KIAA0825: variants seen among roughly 807,000 people sequenced by gnomAD.
KIAA0825 encodes the protein KIAA0825, also known as uncharacterized protein KIAA0825.
A neutral mutation model predicts 147.6 loss-of-function variants in KIAA0825; 119 were observed. That is an observed-to-expected ratio of 0.81 (90% CI 0.69 to 0.94). KIAA0825 has a LOEUF of 0.94. Among genes scored for constraint, KIAA0825 ranks in the 40% least tolerant of loss-of-function variants. The pLI is 0.00. For missense variants in KIAA0825, 1,381 were observed against 1,472.7 expected (o/e 0.94, Z 1.02); for synonymous variants, 470 against 518.1 (o/e 0.91, Z 1.26).
At chr5:94,537,596 CGCGATTGCGCCACTGCACTGCA>C (rs770188763) in intron 2 of KIAA0825, among the ~76,000 whole-genome samples, 1 of 148,408 alleles carries the variant, frequency 6.7e-6, no homozygotes, top group Non-Finnish European at 1.5e-5. Flanking sequence ...TGCAGTGAGC[CGCGATTGCGCCACTGCACTGCA>C]GCCTGGGCGA....
chr5:94,449,649 A>C (rs1043246916), intron 13 of KIAA0825, among the ~76,000 whole-genome samples: 2 of 152,220 alleles, frequency 1.3e-5, no homozygotes, highest in African/African-American at 2.4e-5. Flanking sequence ...ACAGCTGGAC[A>C]TATACCGTTG....
At chr5:94,300,514 T>C (rs1778348068) in intron 20 of KIAA0825, among the ~76,000 whole-genome samples, 1 of 152,104 alleles carries the variant, frequency 6.6e-6, no homozygotes, top group Non-Finnish European at 1.5e-5. Context: ...ATCTCAGTTA[T>C]TTTTAAAGGT....
chr5:94,315,723 C>A (rs1408437465), intron 20 of KIAA0825, among the ~76,000 whole-genome samples: 1 of 151,638 alleles, frequency 6.6e-6, no homozygotes, highest in Non-Finnish European at 1.5e-5. Context: ...CCCAGTCATA[C>A]CATGTGGGGC....
intron 1 of KIAA0825, chr5:94,594,816 G>A: frequency 1.1e-5 from 5 of 455,266 alleles, no homozygotes; most frequent in South Asian, 9.3e-5. Flanking sequence ...TAAAATGAGT[G>A]TTATCATGTG....
intron 14 of KIAA0825, among the ~76,000 whole-genome samples, chr5:94,429,738 C>A (rs1360436611): frequency 2.0e-5 from 3 of 152,226 alleles, no homozygotes; most frequent in East Asian, 3.9e-4. Flanking sequence ...CGATGTCAGG[C>A]ACAGGCATCA....
At chr5:94,469,867 T>C in intron 10 of KIAA0825, 94 bp downstream of exon 10, 2 of 980,358 alleles carry the variant, frequency 2.0e-6, no homozygotes, top group Non-Finnish European at 1.4e-6. Context: ...CGGGTATTAG[T>C]AATGCCAAGC....
chr5:94,211,201 T>C (rs1772676233), intron 20 of KIAA0825, among the ~76,000 whole-genome samples: 1 of 152,172 alleles, frequency 6.6e-6, no homozygotes, highest in Non-Finnish European at 1.5e-5. Context: ...ACTATTAGTG[T>C]AGTTTCATGT....
intron 20 of KIAA0825, among the ~76,000 whole-genome samples, chr5:94,234,364 C>A (rs1774917094): frequency 6.7e-6 from 1 of 149,704 alleles, no homozygotes; most frequent in South Asian, 2.1e-4. Flanking sequence ...GAGCGAGACT[C>A]CGTCTCAAAA....
intron 12 of KIAA0825, among the ~76,000 whole-genome samples, chr5:94,460,106 C>T (rs1371352277): frequency 6.6e-6 from 1 of 152,092 alleles, no homozygotes; most frequent in Non-Finnish European, 1.5e-5. Flanking sequence ...CTAAAGTCTA[C>T]TCATCCAAAA....
intron 14 of KIAA0825, among the ~76,000 whole-genome samples, chr5:94,433,394 A>G (rs1755949707): frequency 6.6e-6 from 1 of 152,182 alleles, no homozygotes; most frequent in African/African-American, 2.4e-5. Flanking sequence ...TTTTCTCTAG[A>G]TATTTTTCTT....
chr5:94,490,628 A>G (rs774538584), intron 5 of KIAA0825, among the ~76,000 whole-genome samples: 12 of 151,960 alleles, frequency 7.9e-5, no homozygotes, highest in Non-Finnish European at 7.4e-5. Flanking sequence ...AGATATTTAC[A>G]AAACTGTTAC....
rs985929593 is a variant in KIAA0825 at position 94,600,774 on chromosome 5, A to G, written c.-153+17726T>C. ...CACCTGGGAGTGGAAGTAGTACCAC[A>G]GCACCACATAGCTACTCTACAAAAG... On this transcript the variant is annotated intron_variant, in intron 1 of 20. Coordinates refer to ENST00000682413, the MANE Select transcript of KIAA0825 (RefSeq NM_001145678.3). Among the ~76,000 whole-genome samples the G allele has an allele frequency of 2.6e-4, 40 of 151,788 alleles. 1 individual carries two copies. Among genetic ancestry groups the G allele is most frequent in the African/African-American group, 9.2e-4 (38 of 41,394 alleles).
intron 6 of KIAA0825, among the ~76,000 whole-genome samples, chr5:94,483,025 A>G (rs1260182948): frequency 1.3e-5 from 2 of 151,962 alleles, no homozygotes; most frequent in African/African-American, 2.4e-5. Context: ...AATGGTAACC[A>G]TTGCTCTCAA....
intron 14 of KIAA0825, among the ~76,000 whole-genome samples, chr5:94,425,032 G>A (rs966937674): frequency 6.6e-6 from 1 of 152,090 alleles, no homozygotes; most frequent in East Asian, 1.9e-4. Flanking sequence ...CAAGACCAGA[G>A]GGTTTCACTG....
chr5:94,463,164 CTT>C lies in KIAA0825; in HGVS notation c.2064-597_2064-596del, dbSNP rs545490548. On this transcript the variant is annotated intron_variant, in intron 11 of 20. Coordinates refer to ENST00000682413, the MANE Select transcript of KIAA0825 (RefSeq NM_001145678.3). ...ATTTATCTTATTCATAGACTTATTT[CTT>C]TGTTTCCATCTTTCTCAAGTTTTAA... 2.4e-4 allele frequency among the ~76,000 whole-genome samples: 37 copies of C among 151,590 alleles called. No individual in the cohort carries two copies. In the South Asian group the frequency reaches 7.5e-3, roughly 31 times the overall value.
In KIAA0825 at chr5:94,462,464, A is replaced by T; in HGVS notation, c.2169T>A (p.Ile723=). 1.3e-6 allele frequency: 2 copies of T among 1,535,094 alleles called. No individual in the cohort carries two copies. Among genetic ancestry groups the T allele is most frequent in the Non-Finnish European group, 1.8e-6 (2 of 1,133,616 alleles). ...LNPHQHTDDK[I]FKIHTHCNNL... ...TATTACAATGAGTGTGAATTTTAAAAATTTTATCATCTGTATGCTGATGAG... is the reference window on the plus strand; with the variant it reads ...TATTACAATGAGTGTGAATTTTAAATATTTTATCATCTGTATGCTGATGAG... The change falls in exon 12 of 21, where the codon ATT becomes ATA. Residue 723 remains isoleucine, a synonymous_variant. Transcript: ENST00000682413.
intron 15 of KIAA0825, chr5:94,413,079 G>A (rs898367639): frequency 1.3e-5 from 2 of 151,890 alleles, no homozygotes; most frequent in African/African-American, 2.4e-5. Flanking sequence ...AGCCTCCTGA[G>A]TAGCTGGGAT....
intron 20 of KIAA0825, among the ~76,000 whole-genome samples, chr5:94,236,558 G>A (rs1775050299): frequency 6.6e-6 from 1 of 152,172 alleles, no homozygotes; most frequent in African/African-American, 2.4e-5. Context: ...GAAGGCAGTG[G>A]CAGGGTTTGA....
chr5:94,476,904 C>T (rs1374862424), intron 7 of KIAA0825, among the ~76,000 whole-genome samples: 1 of 151,978 alleles, frequency 6.6e-6, no homozygotes, highest in African/African-American at 2.4e-5. Flanking sequence ...CTCTATTCCT[C>T]CCATGGAATA....
Sources: gnomAD v4.1 joint callset for allele counts (sites outside exome capture counted in the v4.1 genomes callset) on GRCh38, gnomAD v4.1.1 for gene constraint, MANE v1.5 for transcripts, NCBI Gene and HGNC (gene_info 2026-07-23, HGNC 2026-07-21) for gene names.